INPP4B: variants seen among roughly 807,000 people sequenced by gnomAD.
The protein encoded by INPP4B is inositol polyphosphate-4-phosphatase type II B, also known as inositol polyphosphate 4-phosphatase type II.
INPP4B carries 55 observed loss-of-function variants against 122.5 expected under a neutral mutation model. The ratio of observed to expected loss-of-function variants is 0.45; its 90% CI spans 0.36 to 0.56. INPP4B has a LOEUF of 0.56. Among genes scored for constraint, INPP4B ranks in the 20% least tolerant of loss-of-function variants. The probability of loss-of-function intolerance (pLI) is 0.00; values close to 1 mark genes in which losing one functional copy is unlikely to be tolerated. For missense variants in INPP4B, 1,000 were observed against 1,097.7 expected (o/e 0.91, Z 1.26); for synonymous variants, 403 against 388.7 (o/e 1.04, Z -0.43).
intron 11 of INPP4B, among the ~76,000 whole-genome samples, chr4:142,257,164 G>A (rs1736653823): frequency 6.6e-6 from 1 of 152,088 alleles, no homozygotes. Flanking sequence ...AACCCTTCAT[G>A]CTAAAAACTC....
chr4:142,443,059 C>G (rs1812161658), intron 3 of INPP4B, among the ~76,000 whole-genome samples: 1 of 152,086 alleles, frequency 6.6e-6, no homozygotes, highest in Non-Finnish European at 1.5e-5. Flanking sequence ...TGGCTCTGCC[C>G]TTGACACATA....
At chr4:142,676,969 A>G (rs1757903400) in intron 2 of INPP4B, among the ~76,000 whole-genome samples, 2 of 152,194 alleles carry the variant, frequency 1.3e-5, no homozygotes, top group South Asian at 4.1e-4. Context: ...AAGCAATGGC[A>G]ACAAACGCCA....
intron 3 of INPP4B, among the ~76,000 whole-genome samples, chr4:142,436,639 C>T (rs1344892196): frequency 1.3e-5 from 2 of 152,050 alleles, no homozygotes; most frequent in Non-Finnish European, 2.9e-5. Flanking sequence ...TGAAGTGAAC[C>T]TCCAGCAAAC....
chr4:142,217,870 G>A (rs1424296256), intron 12 of INPP4B, among the ~76,000 whole-genome samples: 1 of 152,102 alleles, frequency 6.6e-6, no homozygotes, highest in African/African-American at 2.4e-5. Flanking sequence ...CTGCCTGACT[G>A]CCTTCAAACT....
At chr4:142,317,880 G>T (rs1442214472) in intron 7 of INPP4B, among the ~76,000 whole-genome samples, 1 of 152,184 alleles carries the variant, frequency 6.6e-6, no homozygotes, top group Non-Finnish European at 1.5e-5. Context: ...AATGGCAGGA[G>T]TTACATATGT....
In INPP4B at chr4:142,596,162, TA is replaced by T. The variant is rs1295354905; in HGVS notation, c.-191+129676del. On this transcript the variant is annotated intron_variant, in intron 2 of 25. Coordinates refer to ENST00000262992, the MANE Select transcript of INPP4B (RefSeq NM_001101669.3). ...GCCCAGCCAAATTTCTTTTTTTTAA[TA>T]AAAAAAGACCACAATAATTATTCCC... 9.2e-5 allele frequency among the ~76,000 whole-genome samples: 14 copies of T among 152,176 alleles called. No individual in the cohort carries two copies. In the East Asian group the frequency reaches 2.3e-3, roughly 25 times the overall value.
At chr4:142,787,568 G>C (rs1452142373) in intron 1 of INPP4B, among the ~76,000 whole-genome samples, 5 of 152,020 alleles carry the variant, frequency 3.3e-5, no homozygotes, top group African/African-American at 1.2e-4. Context: ...TATAAGCTGG[G>C]TTTCATTCAT....
chr4:142,310,132 T>G (rs1764924609), intron 8 of INPP4B, among the ~76,000 whole-genome samples: 1 of 152,108 alleles, frequency 6.6e-6, no homozygotes, highest in African/African-American at 2.4e-5. Context: ...CAGGTTTTTT[T>G]TTTTTTATAT....
intron 24 of INPP4B, among the ~76,000 whole-genome samples, chr4:142,083,370 T>A (rs1775118829): frequency 6.6e-6 from 1 of 152,180 alleles, no homozygotes; most frequent in African/African-American, 2.4e-5. Flanking sequence ...GAAAAATCAC[T>A]GAGCATCAAT....
chr4:142,518,004 C>T (rs1825623285), intron 2 of INPP4B, among the ~76,000 whole-genome samples: 1 of 152,106 alleles, frequency 6.6e-6, no homozygotes, highest in Non-Finnish European at 1.5e-5. Context: ...CAATGTGTCA[C>T]AAAGGTCTTA....
intron 11 of INPP4B, among the ~76,000 whole-genome samples, chr4:142,254,766 G>A (rs1388315076): frequency 2.6e-5 from 4 of 151,930 alleles, no homozygotes; most frequent in Non-Finnish European, 5.9e-5. Context: ...TGGAACCAAG[G>A]TGGAAAACAC....
intron 2 of INPP4B, among the ~76,000 whole-genome samples, chr4:142,559,145 G>A (rs746751504): frequency 2.0e-5 from 3 of 152,156 alleles, no homozygotes. Context: ...ACTCTCAGTT[G>A]TTATAGTGCT....
chr4:142,402,584 T>C (rs1050345621), intron 7 of INPP4B, among the ~76,000 whole-genome samples: 1 of 152,218 alleles, frequency 6.6e-6, no homozygotes, highest in Non-Finnish European at 1.5e-5. Flanking sequence ...GTCAATCCCC[T>C]ATTTTAGAAT....
chr4:142,296,274 T>C (rs1758653886), intron 9 of INPP4B, among the ~76,000 whole-genome samples: 1 of 150,896 alleles, frequency 6.6e-6, no homozygotes, highest in Middle Eastern at 3.2e-3. Context: ...TTTATTTAAA[T>C]GGATTAGGAA....
chr4:142,511,250 A>T (rs1824677812), intron 2 of INPP4B, among the ~76,000 whole-genome samples: 2 of 152,144 alleles, frequency 1.3e-5, no homozygotes, highest in South Asian at 4.2e-4. Context: ...TTTGAAAAGG[A>T]GGACATTAGG....
intron 5 of INPP4B, among the ~76,000 whole-genome samples, chr4:142,415,055 C>T (rs1805390955): frequency 6.6e-6 from 1 of 152,118 alleles, no homozygotes; most frequent in African/African-American, 2.4e-5. Context: ...CAAGGAACCA[C>T]CTTAATTAAG....
At chr4:142,611,295 C>T (rs888981595) in intron 2 of INPP4B, among the ~76,000 whole-genome samples, 3 of 152,306 alleles carry the variant, frequency 2.0e-5, no homozygotes, top group African/African-American at 7.2e-5. Context: ...ATCCAATCAC[C>T]TCCAGCCAGG....
intron 8 of INPP4B, among the ~76,000 whole-genome samples, chr4:142,309,831 G>T (rs1459546960): frequency 6.6e-6 from 1 of 152,208 alleles, no homozygotes; most frequent in South Asian, 2.1e-4. Flanking sequence ...CCTAGCTGGA[G>T]AGTAATATCA....
intron 6 of INPP4B, 21 bp from the exon 7 acceptor site, chr4:142,403,075 A>G (rs756089378): frequency 7.4e-7 from 1 of 1,354,626 alleles, no homozygotes. Context: ...ACAAGCAGAC[A>G]ACTTTGATTC....
Sources: gnomAD v4.1 joint callset for allele counts (sites outside exome capture counted in the v4.1 genomes callset) on GRCh38, gnomAD v4.1.1 for gene constraint, MANE v1.5 for transcripts, NCBI Gene and HGNC (gene_info 2026-07-23, HGNC 2026-07-21) for gene names.